Variants in HCFC1 observed in about 807,000 individuals in gnomAD.
HCFC1 encodes host cell factor C1.
HCFC1 carries 7 observed loss-of-function variants against 105.5 expected under a neutral mutation model. The observed-to-expected ratio is 0.07, with a 90% CI of 0.04 to 0.12. The LOEUF (loss-of-function observed/expected upper bound fraction) is 0.12. HCFC1 is among the 10% of genes least tolerant of loss of function. The pLI, the probability that HCFC1 is intolerant of heterozygous loss-of-function variation, is 1.00. For synonymous variants in HCFC1, 918 were observed against 828.1 expected, an observed-to-expected ratio of 1.11 and a Z score of -1.86; for missense variants, 1,065 against 1,823.6, an observed-to-expected ratio of 0.58 and a Z score of 7.58.
At chrX:153,956,840 T>C in intron 14 of HCFC1, 77 bp from the exon 15 acceptor site, 3 of 1,201,532 alleles carry the variant, frequency 2.5e-6, no homozygotes, top group Non-Finnish European at 2.3e-6. Flanking sequence ...CTCCCAGGCC[T>C]GTCGGGAGGA....
In HCFC1 at chrX:153,947,842, G is replaced by A. The variant is rs2065270052; in HGVS notation, c.*1505C>T. On this transcript the variant is annotated 3_prime_UTR_variant, in exon 26 of 26. Coordinates refer to ENST00000310441, the MANE Select transcript of HCFC1 (RefSeq NM_005334.3). ...GCGTCTCCAGGCAGAGGTCGGTAGG[G>A]GAGGGCTGGAAAGATTGGCTGCTCG... 2 of 111,482 alleles carry A rather than the reference G, an allele frequency of 1.8e-5. No individual in the cohort carries two copies. Among genetic ancestry groups the A allele is most frequent in the African/African-American group, 6.5e-5 (2 of 30,610 alleles). 9.2% of individuals were successfully genotyped at this position (111,482 alleles called of 1,213,427 possible).
In HCFC1 at chrX:153,952,700, A is replaced by G. The variant is rs2065324966; in HGVS notation, c.4756T>C (p.Ser1586Pro). Reference protein sequence around the residue: ...PPTQSEVDQLSLPQELMAEAQ... With the variant: ...PPTQSEVDQLPLPQELMAEAQ... ...TCGGCCATTAGCTCTTGGGGAAGTG[A>G]TAACTGGTCTACTTCGGACTGTGTG... The change falls in exon 19 of 26, where the codon TCA (serine) becomes CCA (proline). Residue 1586 changes from serine (S) to proline (P), a missense_variant. By Grantham distance (74) the Ser-to-Pro change is moderately conservative. Transcript: ENST00000310441. 1.7e-6 allele frequency: 2 copies of G among 1,209,780 alleles called. No homozygotes were observed. The highest frequency in any genetic ancestry group is 4.3e-5 in the Admixed American group (2 of 46,056).
chrX:153,952,277 T>C (rs1023153454), intron 19 of HCFC1, 119 bp from the exon 20 acceptor site: 22 of 1,048,146 alleles, frequency 2.1e-5, no homozygotes, highest in Middle Eastern at 3.8e-4. Context: ...CGTGCTCCAC[T>C]GTAGGCTAAG....
chrX:153,966,960 G>A (rs2065479070), intron 1 of HCFC1, among the ~76,000 whole-genome samples: 1 of 112,129 alleles, frequency 8.9e-6, no homozygotes, highest in African/African-American at 3.2e-5. Flanking sequence ...TGGGGATCCC[G>A]CTCACCAGAT....
chrX:153,954,830 C>A lies in HCFC1; in HGVS notation c.3569G>T (p.Gly1190Val). ...TGCCATGCTCGGCCCAAGGAGTGGGCCGGCCGAGCACGGGGCCCCGGTGGC... is the reference window on the plus strand; with the variant it reads ...TGCCATGCTCGGCCCAAGGAGTGGGACGGCCGAGCACGGGGCCCCGGTGGC... ...VMATGAPCSA[G>V]PLLGPSMARE... Residue 1190 changes from glycine (G) to valine (V), a missense_variant, in exon 17 of 26, where the codon GGC (glycine) becomes GTC (valine). Transcript: ENST00000310441. 1 of 1,154,310 alleles carries A rather than the reference C, an allele frequency of 8.7e-7. No homozygotes were observed. The highest frequency in any genetic ancestry group is 1.1e-6 in the Non-Finnish European group (1 of 871,007).
In HCFC1 at chrX:153,953,690, T is replaced by C. The variant is rs1466902831; in HGVS notation, c.4414A>G (p.Ile1472Val). The C allele has an allele frequency of 8.3e-7, 1 of 1,210,794 alleles. No individual in the cohort carries two copies. The highest frequency in any genetic ancestry group is 1.1e-6 in the Non-Finnish European group (1 of 894,839). The change falls in exon 18 of 26, where the codon ATC becomes GTC. Residue 1472 changes from isoleucine (I) to valine (V), a missense_variant. By Grantham distance (29) the Ile-to-Val change is conservative. Coordinates refer to ENST00000310441, the MANE Select transcript of HCFC1 (RefSeq NM_005334.3). ...DSVNITSSSAITTTVSSTLTR... is the reference protein window; with the variant it reads ...DSVNITSSSAVTTTVSSTLTR... ...AGTGTGGAGGACACGGTTGTCGTGATGGCACTGGAGCTGGTGATGTTCACG... is the reference window on the plus strand; with the variant it reads ...AGTGTGGAGGACACGGTTGTCGTGACGGCACTGGAGCTGGTGATGTTCACG...
At chrX:153,964,038 C>T (rs201617469) in intron 3 of HCFC1, 86 bp downstream of exon 3, 26 of 856,272 alleles carry the variant, frequency 3.0e-5, no homozygotes, top group East Asian at 1.0e-4. Context: ...GGCTCTGCTG[C>T]GCACATTCTT....
Position 153,949,368 on chromosome X carries a change from T to C in HCFC1, c.6087A>G (p.Lys2029=). The part of the protein sequence containing the change: ...SSPEMKSAPK[K]SKADGQ ...CCTCTCACTGACCATCGGCCTTAGA[T>C]TTCTTTGGAGCAGATTTCCTTGGAA... Residue 2029 remains lysine, a synonymous_variant, in exon 26 of 26, where the codon AAA becomes AAG. Coordinates refer to ENST00000310441, the MANE Select transcript of HCFC1 (RefSeq NM_005334.3). 8.3e-7 allele frequency: 1 copy of C among 1,207,671 alleles called. No homozygotes were observed. The highest frequency in any genetic ancestry group is 1.1e-6 in the Non-Finnish European group (1 of 892,872).
chrX:153,953,091 C>A (rs1475030024), intron 18 of HCFC1, 133 bp from the exon 19 acceptor site: 3 of 562,730 alleles, frequency 5.3e-6, no homozygotes, highest in Non-Finnish European at 9.2e-6. Context: ...ATGAGATCTT[C>A]TAGAAAGGGA....
Position 153,954,539 on chromosome X carries a change from T to C in HCFC1, c.3860A>G (p.Gln1287Arg), listed in dbSNP as rs968306370. 2 of 1,210,699 alleles carry C rather than the reference T, an allele frequency of 1.7e-6. No homozygotes were observed. The highest frequency in any genetic ancestry group is 1.1e-6 in the Non-Finnish European group (1 of 894,984). Residue 1287 changes from glutamine to arginine, a missense_variant, in exon 17 of 26, where the codon CAA becomes CGA. Transcript: ENST00000310441. ...CTCACATGGTGGGTTGGAGCAGACT[T>C]GGGTCACGGTGGCCGAGGGGCACAG... ...ALLCPSATVT[Q>R]VCSNPPCETH...
At chrX:153,961,311 T>C (rs782360794) in intron 6 of HCFC1, among the ~76,000 whole-genome samples, 7 of 112,466 alleles carry the variant, frequency 6.2e-5, no homozygotes, top group Non-Finnish European at 1.3e-4. Flanking sequence ...CCCTGCACCG[T>C]AGAGGCTTTT....
In HCFC1 at chrX:153,950,984, G is replaced by A. The variant is rs781844390; in HGVS notation, c.5532C>T (p.Thr1844=). 8.3e-6 allele frequency: 10 copies of A among 1,209,706 alleles called. No homozygotes were observed. The highest frequency in any genetic ancestry group is 3.5e-5 in the African/African-American group (2 of 57,845). ...DAVPSDDDLG[T]VPDYNQLKKQ... The stretch of plus-strand genomic sequence containing the variant: ...TCTTCAGCTGGTTATAGTCAGGGAC[G>A]GTGCCCAAATCATCCTAGGAAAAGA... The change falls in exon 23 of 26, where the codon ACC becomes ACT. Residue 1844 remains threonine (T), a synonymous_variant. Coordinates refer to ENST00000310441, the MANE Select transcript of HCFC1 (RefSeq NM_005334.3).
rs1569546575 is a variant in HCFC1, at chrX:153,949,532, C to T, written c.6068+21G>A. 9.1e-6 allele frequency: 11 copies of T among 1,202,721 alleles called. No homozygotes were observed. In the South Asian group the frequency reaches 1.2e-4, roughly 13 times the overall value. On this transcript the variant is annotated intron_variant, in intron 25 of 25. Coordinates refer to ENST00000310441, the MANE Select transcript of HCFC1 (RefSeq NM_005334.3). ...TCCACCCCTAGTCTCAGAAGGTTCC[C>T]GAGAGGGGCTTCCTGCTTACATTTC...
chrX:153,953,569 G>A (rs781988500), intron 18 of HCFC1, 38 bp downstream of exon 18: 20 of 1,181,920 alleles, frequency 1.7e-5, no homozygotes, highest in Middle Eastern at 2.7e-4. Context: ...GGCGTAGGCC[G>A]GGAAGGCGGG....
At chrX:153,959,751 TCCCCGGAGG>T in intron 8 of HCFC1, 42 bp downstream of exon 8, 1 of 1,139,899 alleles carries the variant, frequency 8.8e-7, no homozygotes, top group Non-Finnish European at 1.2e-6. Context: ...CCGCTGCCTC[TCCCCGGAGG>T]CTAGCCCCCT....
Position 153,962,325 on chromosome X carries a change from G to A in HCFC1, c.713-19C>T, listed in dbSNP as rs1440131260. ...AGGGTGTCTGCAGAGAGACGGAGGG[G>A]AAAGGGTTACACAAGGTAGACTGCA... On this transcript the variant is annotated intron_variant, in intron 4 of 25. Transcript: ENST00000310441. 2.6e-6 allele frequency: 3 copies of A among 1,144,101 alleles called. No individual in the cohort carries two copies. Among genetic ancestry groups the A allele is most frequent in the Admixed American group, 2.2e-5 (1 of 45,322 alleles). The allele number at this position is 1,144,101 out of a possible 1,213,427, so 94.3% of individuals were successfully genotyped here.
chrX:153,960,570 G>T (rs2065420236), intron 6 of HCFC1, among the ~76,000 whole-genome samples, 156 bp from the exon 7 acceptor site: 2 of 111,933 alleles, frequency 1.8e-5, no homozygotes, highest in African/African-American at 3.3e-5. Flanking sequence ...AACCCTTTGT[G>T]GCAAAAAGCA....
At position 153,952,024 on chromosome X, in the gene HCFC1, C is replaced by T. The variant is rs1557112714; in HGVS notation, c.5077G>A (p.Ala1693Thr). The change falls in exon 20 of 26, where the codon GCC becomes ACC. Residue 1693 changes from alanine (A) to threonine (T), a missense_variant. Physicochemically the swap from Ala to Thr is moderately conservative, Grantham distance 58. This residue lies in a region of HCFC1 where 115 missense variants were observed against 143.7 expected (regional missense o/e 0.80). Transcript: ENST00000310441. ...PIVLTQQELA[A>T]LVQQQQLQEA... Reference sequence around the variant, plus strand: ...TGCAGCTGCTGCTGCTGCACCAGGGCAGCCAGCTCCTGCTGTGTCAGCACA... The same window carrying T: ...TGCAGCTGCTGCTGCTGCACCAGGGTAGCCAGCTCCTGCTGTGTCAGCACA... 2 of 1,197,229 alleles carry T rather than the reference C, an allele frequency of 1.7e-6. No homozygotes were observed. The highest frequency in any genetic ancestry group is 2.3e-5 in the Admixed American group (1 of 44,391).
chrX:153,957,310 C>T lies in HCFC1; in HGVS notation c.2353+4G>A. 2 of 1,187,639 alleles carry T rather than the reference C, an allele frequency of 1.7e-6. No homozygotes were observed. Among genetic ancestry groups the T allele is most frequent in the Admixed American group, 2.2e-5 (1 of 44,810 alleles). ...GACACTCATATGTCGGGGGAGGCCC[C>T]TACCCGTGGCGCCCGCCTGGGTGAT... On this transcript the variant is annotated splice_donor_region_variant and intron_variant, in intron 13 of 25. Transcript: ENST00000310441.
Sources: allele counts gnomAD v4.1 joint callset (sites outside exome capture counted in the v4.1 genomes callset), GRCh38; gene constraint gnomAD v4.1.1; regional missense constraint gnomAD v4.1.1; transcripts MANE v1.5; gene names NCBI Gene and HGNC (gene_info 2026-07-23, HGNC 2026-07-21).